The following BBS9 variants were observed in gnomAD, a reference collection of about 807,000 sequenced individuals.
The protein encoded by BBS9 is protein PTHB1.
In BBS9, 89 loss-of-function variants were observed where a neutral mutation model predicts 117.7. That is an observed-to-expected ratio of 0.76 (90% CI 0.64 to 0.90). The LOEUF is 0.90. Ranked by LOEUF, BBS9 falls within the 40% of genes least tolerant of loss-of-function variation. The pLI is 0.00. For synonymous variants in BBS9, 379 were observed against 370.9 expected (o/e 1.02, Z -0.25); for missense variants, 982 against 1,042.2 (o/e 0.94, Z 0.80).
chr7:33,249,096 G>A (rs1795823549), intron 5 of BBS9, among the ~76,000 whole-genome samples: 1 of 151,994 alleles, frequency 6.6e-6, no homozygotes. Context: ...ATATTCCACA[G>A]GAAGAGAAAG....
At chr7:33,170,070 GA>G (rs1796303493) in intron 4 of BBS9, among the ~76,000 whole-genome samples, 1 of 151,776 alleles carries the variant, frequency 6.6e-6, no homozygotes, top group African/African-American at 2.4e-5. Flanking sequence ...CCAATCAATA[GA>G]AAAAGAGGGA....
chr7:33,223,182 A>C (rs1363488301), intron 5 of BBS9, among the ~76,000 whole-genome samples: 2 of 151,992 alleles, frequency 1.3e-5, no homozygotes, highest in Non-Finnish European at 2.9e-5. Context: ...TTAATTGACA[A>C]ATAAAACTTT....
At chr7:33,288,588 T>C (rs1278696370) in intron 9 of BBS9, among the ~76,000 whole-genome samples, 2 of 152,232 alleles carry the variant, frequency 1.3e-5, no homozygotes, top group African/African-American at 2.4e-5. Context: ...TTTTTCCTCT[T>C]GTATTTCATC....
chr7:33,245,421 T>C (rs1024776654), intron 5 of BBS9, among the ~76,000 whole-genome samples: 2 of 152,180 alleles, frequency 1.3e-5, no homozygotes, highest in Non-Finnish European at 2.9e-5. Context: ...AGATGGATAC[T>C]AAACTCTGTA....
chr7:33,365,108 CT>C (rs1462930513), intron 16 of BBS9, among the ~76,000 whole-genome samples: 3 of 148,942 alleles, frequency 2.0e-5, no homozygotes, highest in African/African-American at 7.4e-5. Context: ...CTTTTTTTTC[CT>C]GGTTTGTTGA....
At chr7:33,443,895 C>T (rs796368150) in intron 19 of BBS9, among the ~76,000 whole-genome samples, 2 of 152,336 alleles carry the variant, frequency 1.3e-5, no homozygotes, top group African/African-American at 2.4e-5. Context: ...ACAGGGAGCT[C>T]AAACTGTGCT....
chr7:33,539,887 C>T (rs1052146874), intron 21 of BBS9, among the ~76,000 whole-genome samples: 1 of 152,170 alleles, frequency 6.6e-6, no homozygotes, highest in African/African-American at 2.4e-5. Flanking sequence ...CAGTAATTTC[C>T]TACAGTCAGT....
At chr7:33,266,889 T>A (rs920823509) in intron 7 of BBS9, among the ~76,000 whole-genome samples, 7 of 151,998 alleles carry the variant, frequency 4.6e-5, no homozygotes, top group Non-Finnish European at 7.4e-5. Flanking sequence ...ACTATAGGCA[T>A]GTATCACTAT....
chr7:33,507,838 G>A lies in BBS9; in HGVS notation c.2298+2193G>A, dbSNP rs562868352. ...GAACTTCCTTGTTCAAAAAGTAGGG[G>A]AAGAGGTGATAAAGTGCTGTTAAAA... On this transcript the variant is annotated intron_variant, in intron 20 of 22. Transcript: ENST00000242067. Among the ~76,000 whole-genome samples the A allele has an allele frequency of 2.6e-5, 4 of 152,312 alleles. No individual in the cohort carries two copies. In the South Asian group the frequency reaches 8.3e-4, roughly 32 times the overall value.
At chr7:33,371,295 A>G (rs1457794017) in intron 17 of BBS9, among the ~76,000 whole-genome samples, 1 of 152,198 alleles carries the variant, frequency 6.6e-6, no homozygotes, top group Non-Finnish European at 1.5e-5. Context: ...TTTATTAAAT[A>G]TAATTCTCCC....
At chr7:33,431,996 G>C (rs1264354702) in intron 19 of BBS9, among the ~76,000 whole-genome samples, 1 of 152,044 alleles carries the variant, frequency 6.6e-6, no homozygotes, top group African/African-American at 2.4e-5. Context: ...TCCTTTTAAT[G>C]AGCAGCAATG....
chr7:33,547,592 G>A (rs1217918326), intron 21 of BBS9, among the ~76,000 whole-genome samples: 1 of 152,146 alleles, frequency 6.6e-6, no homozygotes, highest in Non-Finnish European at 1.5e-5. Context: ...GAGAAGTAAA[G>A]TCTTATAATG....
chr7:33,225,992 G>T (rs992635055), intron 5 of BBS9, among the ~76,000 whole-genome samples: 4 of 152,116 alleles, frequency 2.6e-5, no homozygotes, highest in Non-Finnish European at 4.4e-5. Context: ...GATGTTTTTA[G>T]ATAAGCACCT....
chr7:33,309,653 G>A (rs1208097904), intron 9 of BBS9, among the ~76,000 whole-genome samples: 1 of 152,138 alleles, frequency 6.6e-6, no homozygotes, highest in African/African-American at 2.4e-5. Context: ...TTGAATGTAT[G>A]GTGACCGAGG....
At chr7:33,291,549 T>C (rs1046530100) in intron 9 of BBS9, among the ~76,000 whole-genome samples, 28 of 152,296 alleles carry the variant, frequency 1.8e-4, no homozygotes, top group African/African-American at 6.0e-4. Context: ...GGAAATCCAA[T>C]TGTGAGTAGA....
chr7:33,459,825 C>G (rs1016252989), intron 19 of BBS9, among the ~76,000 whole-genome samples: 3 of 152,022 alleles, frequency 2.0e-5, no homozygotes, highest in Non-Finnish European at 4.4e-5. Context: ...GTTAATGAGA[C>G]CAGTTTTTAA....
intron 17 of BBS9, among the ~76,000 whole-genome samples, chr7:33,374,565 C>T (rs1028358224): frequency 6.6e-6 from 1 of 152,038 alleles, no homozygotes; most frequent in African/African-American, 2.4e-5. Context: ...GAGAAACAAT[C>T]CTTAGTTGCT....
intron 21 of BBS9, among the ~76,000 whole-genome samples, chr7:33,559,967 T>C (rs928798517): frequency 6.6e-6 from 1 of 152,166 alleles, no homozygotes; most frequent in Non-Finnish European, 1.5e-5. Flanking sequence ...CTGACTCCTG[T>C]AGTCCTTCAT....
At chr7:33,486,810 A>G (rs1027518538) in intron 19 of BBS9, among the ~76,000 whole-genome samples, 4 of 152,210 alleles carry the variant, frequency 2.6e-5, no homozygotes, top group Non-Finnish European at 4.4e-5. Flanking sequence ...CATTCAGGTG[A>G]AAAGGGGAAT....
Sources: allele counts gnomAD v4.1 joint callset (sites outside exome capture counted in the v4.1 genomes callset), GRCh38; gene constraint gnomAD v4.1.1; transcripts MANE v1.5; gene names NCBI Gene and HGNC (gene_info 2026-07-23, HGNC 2026-07-21).